The following GRID2 variants were observed in gnomAD, a reference collection of about 807,000 sequenced individuals.
GRID2 encodes the protein glutamate receptor ionotropic, delta-2.
GRID2 carries 33 observed loss-of-function variants against 114.8 expected under a neutral mutation model. The observed-to-expected ratio is 0.29, with a 90% CI of 0.22 to 0.38. The LOEUF is 0.38. GRID2 is among the 10% of genes least tolerant of loss of function. GRID2 has a pLI of 1.00. For synonymous variants in GRID2, 505 were observed against 449.9 expected (o/e 1.12, Z -1.55); for missense variants, 1,184 against 1,257.7 (o/e 0.94, Z 0.89).
chr4:93,226,751 C>T (rs1416489324), intron 7 of GRID2, among the ~76,000 whole-genome samples: 1 of 152,190 alleles, frequency 6.6e-6, no homozygotes, highest in African/African-American at 2.4e-5. Flanking sequence ...AGTACGGGCT[C>T]TCTGTGGTGG....
chr4:93,402,815 A>T (rs1292886589), intron 9 of GRID2, among the ~76,000 whole-genome samples: 2 of 152,170 alleles, frequency 1.3e-5, no homozygotes, highest in Non-Finnish European at 2.9e-5. Flanking sequence ...CTAGCTTTAA[A>T]TAGACTCTAT....
chr4:92,611,426 T>C (rs572875139), intron 2 of GRID2, among the ~76,000 whole-genome samples: 1 of 151,678 alleles, frequency 6.6e-6, no homozygotes, highest in Admixed American at 6.6e-5. Flanking sequence ...ACACTAATCC[T>C]ATCAGATAAG....
chr4:93,240,768 T>A (rs965406913), intron 8 of GRID2, among the ~76,000 whole-genome samples: 15 of 150,932 alleles, frequency 9.9e-5, no homozygotes, highest in African/African-American at 4.9e-5. Flanking sequence ...GTTTTTTTTT[T>A]ATATATATAC....
chr4:92,939,299 A>C (rs1454740602), intron 2 of GRID2, among the ~76,000 whole-genome samples: 1 of 147,298 alleles, frequency 6.8e-6, no homozygotes. Context: ...TTTGATTTGC[A>C]TTTCTCTGAT....
In GRID2 at chr4:93,741,174, C is replaced by CATATATATATATATATAT. The variant is rs376106965; in HGVS notation, c.2361-28027_2361-28010dup. ...ACCTGAGAAACTATATATATATATA[C>CATATATATATATATATAT]ATATATATATATATATATATATATA... On this transcript the variant is annotated intron_variant, in intron 14 of 15. Coordinates refer to ENST00000282020, the MANE Select transcript of GRID2 (RefSeq NM_001510.4). Among the ~76,000 whole-genome samples, 76 of 41,178 alleles carry CATATATATATATATATAT rather than the reference C, an allele frequency of 1.8e-3. 4 individuals carry two copies. The highest frequency in any genetic ancestry group is 2.3e-3 in the East Asian group (2 of 854). 27.0% of individuals were successfully genotyped at this position (41,178 alleles called of 152,430 possible).
At chr4:92,623,653 G>A (rs1295471907) in intron 2 of GRID2, among the ~76,000 whole-genome samples, 3 of 151,650 alleles carry the variant, frequency 2.0e-5, no homozygotes, top group Non-Finnish European at 4.4e-5. Flanking sequence ...GTTAATGTAA[G>A]CAAGATTTAT....
chr4:93,653,866 G>T (rs1722790354), intron 14 of GRID2, among the ~76,000 whole-genome samples: 1 of 152,070 alleles, frequency 6.6e-6, no homozygotes, highest in Non-Finnish European at 1.5e-5. Context: ...TTAGCAAGAA[G>T]TATATAAAGT....
chr4:92,452,347 T>C (rs1171192330), intron 1 of GRID2, among the ~76,000 whole-genome samples: 3 of 151,126 alleles, frequency 2.0e-5, no homozygotes, highest in Non-Finnish European at 4.4e-5. Context: ...AGACAGAGTC[T>C]CACTTGGTCA....
chr4:92,913,450 C>T (rs1748537759), intron 2 of GRID2, among the ~76,000 whole-genome samples: 1 of 151,924 alleles, frequency 6.6e-6, no homozygotes, highest in Non-Finnish European at 1.5e-5. Context: ...ACAAGGCACA[C>T]ATGTCTTTCA....
intron 8 of GRID2, among the ~76,000 whole-genome samples, chr4:93,343,680 A>T (rs201009338): frequency 5.2e-4 from 79 of 151,812 alleles, no homozygotes; most frequent in African/African-American, 1.2e-3. Context: ...CATCAAAAAA[A>T]TTTTTTTAAA....
At chr4:92,399,228 C>T (rs1193533591) in intron 1 of GRID2, among the ~76,000 whole-genome samples, 1 of 152,114 alleles carries the variant, frequency 6.6e-6, no homozygotes, top group Non-Finnish European at 1.5e-5. Context: ...ATAATAACCC[C>T]GAGGACAGTT....
chr4:93,504,811 G>A (rs923195048), intron 12 of GRID2, among the ~76,000 whole-genome samples: 1 of 151,882 alleles, frequency 6.6e-6, no homozygotes, highest in African/African-American at 2.4e-5. Flanking sequence ...AAAAAAAATG[G>A]TTTAGTTAAT....
At chr4:93,507,407 G>A (rs183781695) in intron 12 of GRID2, among the ~76,000 whole-genome samples, 9 of 152,272 alleles carry the variant, frequency 5.9e-5, no homozygotes, top group African/African-American at 1.2e-4. Context: ...TACATAGAGC[G>A]TACATACTCT....
intron 1 of GRID2, among the ~76,000 whole-genome samples, chr4:92,312,565 A>G (rs1453008244): frequency 6.6e-6 from 1 of 152,074 alleles, no homozygotes; most frequent in East Asian, 1.9e-4. Flanking sequence ...CTGTTGACTA[A>G]TATTCGGAAT....
At chr4:93,231,592 G>C (rs1249392426) in intron 7 of GRID2, among the ~76,000 whole-genome samples, 2 of 152,080 alleles carry the variant, frequency 1.3e-5, no homozygotes, top group East Asian at 3.9e-4. Context: ...CTGAGCCTCT[G>C]TTCAGGAATT....
intron 2 of GRID2, among the ~76,000 whole-genome samples, chr4:92,719,776 A>C (rs2149316507): frequency 6.6e-6 from 1 of 152,258 alleles, no homozygotes; most frequent in South Asian, 2.1e-4. Context: ...TAGGACATGT[A>C]ATTCAAGAAG....
intron 2 of GRID2, among the ~76,000 whole-genome samples, chr4:92,701,011 G>A (rs55768529): frequency 0.082 from 11,157 of 135,918 alleles, 463 homozygotes; most frequent in East Asian, 0.1. Flanking sequence ...AAAAAAAAAA[G>A]ACACATACAT....
At chr4:92,902,542 A>C (rs183458656) in intron 2 of GRID2, among the ~76,000 whole-genome samples, 1 of 152,104 alleles carries the variant, frequency 6.6e-6, no homozygotes, top group Admixed American at 6.5e-5. Context: ...TTTGCTTTCC[A>C]GGTCTCAGTC....
At chr4:93,676,251 G>C (rs1724843721) in intron 14 of GRID2, among the ~76,000 whole-genome samples, 1 of 152,092 alleles carries the variant, frequency 6.6e-6, no homozygotes, top group African/African-American at 2.4e-5. Flanking sequence ...GAAATGTTTT[G>C]GGTAAATTAT....
Sources: allele counts gnomAD v4.1 joint callset (sites outside exome capture counted in the v4.1 genomes callset), GRCh38; gene constraint gnomAD v4.1.1; transcripts MANE v1.5; gene names NCBI Gene and HGNC (gene_info 2026-07-23, HGNC 2026-07-21).